SMYD3: variants seen among roughly 807,000 people sequenced by gnomAD.
SMYD3 encodes the protein histone-lysine N-methyltransferase SMYD3.
SMYD3 carries 36 observed loss-of-function variants against 57.7 expected under a neutral mutation model. That is an observed-to-expected ratio of 0.62 (90% confidence interval 0.48 to 0.82). SMYD3 has a LOEUF of 0.82. SMYD3 is among the 40% of genes least tolerant of loss of function. The probability of loss-of-function intolerance (pLI) is 0.00; values close to 1 mark genes in which losing one functional copy is unlikely to be tolerated. For missense variants in SMYD3, 515 were observed against 538.8 expected (o/e 0.96, Z 0.44); for synonymous variants, 211 against 195.0 (o/e 1.08, Z -0.68).
chr1:246,325,564 A>C (rs2065336137), intron 5 of SMYD3, among the ~76,000 whole-genome samples: 1 of 152,136 alleles, frequency 6.6e-6, no homozygotes. Context: ...TGGTACACTT[A>C]ATCATAGCAA....
At chr1:245,764,214 G>C in intron 10 of SMYD3, 65 bp from the exon 11 acceptor site, 1 of 1,096,434 alleles carries the variant, frequency 9.1e-7, no homozygotes, top group Admixed American at 1.8e-5. Flanking sequence ...ATTTCATCAG[G>C]AGACTACGAA....
chr1:246,101,948 G>A (rs1313980375), intron 5 of SMYD3, among the ~76,000 whole-genome samples: 1 of 152,206 alleles, frequency 6.6e-6, no homozygotes, highest in Non-Finnish European at 1.5e-5. Context: ...TTCGGCCTAC[G>A]TAAATACCTC....
At chr1:245,857,316 C>T (rs1290649196) in intron 10 of SMYD3, among the ~76,000 whole-genome samples, 2 of 152,204 alleles carry the variant, frequency 1.3e-5, no homozygotes, top group African/African-American at 2.4e-5. Flanking sequence ...CTGGCTCACG[C>T]CTGGCTTCCT....
chr1:245,883,121 A>G (rs2052880461), intron 8 of SMYD3, among the ~76,000 whole-genome samples: 1 of 152,216 alleles, frequency 6.6e-6, no homozygotes, highest in Non-Finnish European at 1.5e-5. Flanking sequence ...ACAAATGTGA[A>G]AAGGGTAAAA....
chr1:245,801,869 G>C (rs1291939076), intron 10 of SMYD3, among the ~76,000 whole-genome samples: 1 of 150,068 alleles, frequency 6.7e-6, no homozygotes, highest in Non-Finnish European at 1.5e-5. Flanking sequence ...CAAAAACAAC[G>C]ACACATGAAT....
intron 9 of SMYD3, among the ~76,000 whole-genome samples, chr1:245,860,427 G>A (rs2051476221): frequency 6.6e-6 from 1 of 152,184 alleles, no homozygotes; most frequent in Non-Finnish European, 1.5e-5. Context: ...CCACTCCTGA[G>A]AGTGGAGACA....
At chr1:246,025,326 G>T (rs532298950) in intron 5 of SMYD3, among the ~76,000 whole-genome samples, 8 of 152,140 alleles carry the variant, frequency 5.3e-5, no homozygotes, top group South Asian at 4.2e-4. Flanking sequence ...CAGCATCTAG[G>T]AAGGAAGATA....
intron 4 of SMYD3, among the ~76,000 whole-genome samples, chr1:246,328,979 T>C (rs1181889322): frequency 6.6e-6 from 1 of 152,124 alleles, no homozygotes; most frequent in Non-Finnish European, 1.5e-5. Flanking sequence ...CTGAGAATGA[T>C]GATTTCCAAT....
chr1:245,828,012 T>C (rs2049603429), intron 10 of SMYD3, among the ~76,000 whole-genome samples: 2 of 152,212 alleles, frequency 1.3e-5, no homozygotes, highest in African/African-American at 4.8e-5. Flanking sequence ...CATTTAGTCA[T>C]TTTAAGGAGA....
intron 5 of SMYD3, among the ~76,000 whole-genome samples, chr1:245,966,830 GA>G (rs2058162768): frequency 6.6e-6 from 1 of 152,156 alleles, no homozygotes; most frequent in Admixed American, 6.5e-5. Context: ...GGGAGGATCT[GA>G]TGCAGTCTTT....
intron 5 of SMYD3, chr1:246,326,712 C>T (rs762419026): frequency 2.1e-5 from 6 of 280,394 alleles, no homozygotes; most frequent in East Asian, 7.5e-5. Flanking sequence ...TGCAGTGAGC[C>T]GAGATCGCAC....
intron 1 of SMYD3, among the ~76,000 whole-genome samples, chr1:246,461,471 C>T (rs1252975735): frequency 6.6e-6 from 1 of 151,974 alleles, no homozygotes; most frequent in African/African-American, 2.4e-5. Context: ...ACATCATAAA[C>T]ATGTTTCTAT....
intron 10 of SMYD3, among the ~76,000 whole-genome samples, chr1:245,816,740 C>T (rs4294383): frequency 0.66 from 99,892 of 151,952 alleles, 35,973 homozygotes; most frequent in Non-Finnish European, 0.83. Flanking sequence ...ACTCGGGAAG[C>T]GCCAGGGGTC....
intron 10 of SMYD3, among the ~76,000 whole-genome samples, chr1:245,767,010 T>C (rs888962084): frequency 1.3e-5 from 2 of 152,002 alleles, no homozygotes; most frequent in Admixed American, 6.6e-5. Context: ...CCAGCTGACA[T>C]AGAGAATAAA....
rs564718490 is a variant in SMYD3, at chr1:245,934,293, G to A, written c.532-4356C>T. 3.3e-5 allele frequency among the ~76,000 whole-genome samples: 5 copies of A among 152,286 alleles called. 1 individual carries two copies. The East Asian group carries it at 9.6e-4, about 29-fold the overall frequency. On this transcript the variant is annotated intron_variant, in intron 5 of 11. Coordinates refer to ENST00000490107, the MANE Select transcript of SMYD3 (RefSeq NM_001167740.2). ...GCAGGTACGAAAACCAGAAGCAGAAGCTTTTACACTACATAACTGCCTCTG... is the reference window on the plus strand; with the variant it reads ...GCAGGTACGAAAACCAGAAGCAGAAACTTTTACACTACATAACTGCCTCTG...
At chr1:245,849,426 G>A (rs946754591) in intron 10 of SMYD3, among the ~76,000 whole-genome samples, 2 of 152,076 alleles carry the variant, frequency 1.3e-5, no homozygotes, top group Admixed American at 6.5e-5. Flanking sequence ...AGGGGGTTTG[G>A]GGGGCAGATC....
At chr1:246,313,222 C>T (rs1322507527) in intron 5 of SMYD3, among the ~76,000 whole-genome samples, 2 of 152,100 alleles carry the variant, frequency 1.3e-5, no homozygotes, top group African/African-American at 4.8e-5. Context: ...GGTATTGTTC[C>T]ATAAAATCTT....
intron 5 of SMYD3, among the ~76,000 whole-genome samples, chr1:246,285,520 C>T (rs924501632): frequency 2.6e-5 from 4 of 151,370 alleles, no homozygotes; most frequent in African/African-American, 9.8e-5. Flanking sequence ...AAATCTAAGA[C>T]CTGAAACTAT....
At chr1:245,972,436 A>AC (rs2148032499) in intron 5 of SMYD3, among the ~76,000 whole-genome samples, 1 of 152,308 alleles carries the variant, frequency 6.6e-6, no homozygotes, top group African/African-American at 2.4e-5. Context: ...CCCCCTTACA[A>AC]CCTCATCATC....
Sources: allele counts gnomAD v4.1 joint callset (sites outside exome capture counted in the v4.1 genomes callset), GRCh38; gene constraint gnomAD v4.1.1; transcripts MANE v1.5; gene names NCBI Gene and HGNC (gene_info 2026-07-23, HGNC 2026-07-21).